DERA: variants seen among roughly 807,000 people sequenced by gnomAD.
The protein encoded by DERA is 2-deoxy-D-ribose 5-phosphate aldolase.
DERA carries 15 observed loss-of-function variants against 41.1 expected under a neutral mutation model. The observed-to-expected ratio is 0.37, with a 90% CI of 0.24 to 0.56. The LOEUF is 0.56. DERA is among the 20% of genes least tolerant of loss of function. DERA has a pLI of 0.81. For synonymous variants in DERA, 139 were observed against 137.4 expected, an observed-to-expected ratio of 1.01 and a Z score of -0.08; for missense variants, 396 against 403.4, an observed-to-expected ratio of 0.98 and a Z score of 0.16.
intron 5 of DERA, among the ~76,000 whole-genome samples, chr12:15,979,269 A>G (rs1948717838): frequency 6.6e-6 from 1 of 152,240 alleles, no homozygotes; most frequent in African/African-American, 2.4e-5. Flanking sequence ...ATTGTGCCAC[A>G]GGAAGAGCTT....
intron 1 of DERA, among the ~76,000 whole-genome samples, chr12:15,917,025 G>GT (rs1948205671): frequency 1.3e-5 from 2 of 152,234 alleles, no homozygotes; most frequent in South Asian, 4.1e-4. Flanking sequence ...TCTCTTAGTA[G>GT]TTTCCTGAAA....
Position 15,999,517 on chromosome 12 carries a change from T to C in DERA, c.637+17081T>C, listed in dbSNP as rs1242855627. On this transcript the variant is annotated intron_variant, in intron 6 of 8. Transcript: ENST00000428559. This position sits in a 1 kb window ranked among gnomAD's most constrained non-coding sequence, Gnocchi z 5.3. ...GCAAGTGGCATTTGTATAGAAGTTGTTAGGTGCAGATACAGAGAAAGGCAT... is the reference window on the plus strand; with the variant it reads ...GCAAGTGGCATTTGTATAGAAGTTGCTAGGTGCAGATACAGAGAAAGGCAT... 6.6e-6 allele frequency among the ~76,000 whole-genome samples: 1 copy of C among 152,150 alleles called. No individual in the cohort carries two copies. Among genetic ancestry groups the C allele is most frequent in the African/African-American group, 2.4e-5 (1 of 41,422 alleles).
At chr12:15,969,848 G>A (rs1163236215) in intron 5 of DERA, among the ~76,000 whole-genome samples, 2 of 152,092 alleles carry the variant, frequency 1.3e-5, no homozygotes, top group East Asian at 3.9e-4. Flanking sequence ...TCTCTAAATC[G>A]ATAGCTACTT....
rs1948243743 is a variant in DERA, at chr12:15,921,430, A to C, written c.31+10016A>C. Among the ~76,000 whole-genome samples, 1 of 152,178 alleles carries C rather than the reference A, an allele frequency of 6.6e-6. No individual in the cohort carries two copies. The highest frequency in any genetic ancestry group is 2.4e-5 in the African/African-American group (1 of 41,446). Reference sequence around the variant, plus strand: ...ATTAACCAGAAAGAGTAATTCCGTTAATTTTCTGGTAGAAAAAAACATATT... The same window carrying C: ...ATTAACCAGAAAGAGTAATTCCGTTCATTTTCTGGTAGAAAAAAACATATT... On this transcript the variant is annotated intron_variant, in intron 1 of 8. Coordinates refer to ENST00000428559, the MANE Select transcript of DERA (RefSeq NM_015954.4). The surrounding 1 kb of genome is among the most constrained non-coding windows in gnomAD (Gnocchi z 5.3).
At chr12:16,028,639 C>T (rs1451585967) in intron 6 of DERA, among the ~76,000 whole-genome samples, 1 of 152,182 alleles carries the variant, frequency 6.6e-6, no homozygotes, top group Non-Finnish European at 1.5e-5. Flanking sequence ...CAGCCAAGTG[C>T]TCATGGTCAA....
rs547560866 is a variant in DERA at position 15,985,375 on chromosome 12, T to C, written c.637+2939T>C. On this transcript the variant is annotated intron_variant, in intron 6 of 8. Coordinates refer to ENST00000428559, the MANE Select transcript of DERA (RefSeq NM_015954.4). The surrounding 1 kb of genome is among the most constrained non-coding windows in gnomAD (Gnocchi z 4.2). ...GTTGCTAAAATTGTTGGCATAATGT[T>C]GTTTATAATATGTTCTTCCATTCTG... 6.6e-6 allele frequency: 1 copy of C among 152,358 alleles called. No individual in the cohort carries two copies. Among genetic ancestry groups the C allele is most frequent in the African/African-American group, 2.4e-5 (1 of 41,584 alleles). The allele number at this position is 152,358 out of a possible 1,614,324, so 9.4% of individuals were successfully genotyped here.
intron 7 of DERA, among the ~76,000 whole-genome samples, chr12:16,034,806 T>C (rs1419744106): frequency 6.6e-6 from 1 of 152,158 alleles, no homozygotes; most frequent in African/African-American, 2.4e-5. Context: ...GAAACAGACT[T>C]GCTGACACAA....
At chr12:15,919,278 G>T (rs1036745862) in intron 1 of DERA, among the ~76,000 whole-genome samples, 4 of 151,118 alleles carry the variant, frequency 2.6e-5, no homozygotes. Context: ...TTTTTAAAAA[G>T]CATCTAAGCC....
At chr12:15,971,579 C>T (rs886403646) in intron 5 of DERA, among the ~76,000 whole-genome samples, 25 of 135,708 alleles carry the variant, frequency 1.8e-4, no homozygotes, top group Admixed American at 1.5e-3. Context: ...TGCAATGGTG[C>T]GATCTTGGCT....
rs11832743 is a variant in DERA at position 15,992,061 on chromosome 12, C to T, written c.637+9625C>T. 0.064 allele frequency among the ~76,000 whole-genome samples: 9,776 copies of T among 151,678 alleles called. 996 individuals carry two copies. Among genetic ancestry groups the T allele is most frequent in the African/African-American group, 0.22 (9,000 of 41,330 alleles). On this transcript the variant is annotated intron_variant, in intron 6 of 8. Coordinates refer to ENST00000428559, the MANE Select transcript of DERA (RefSeq NM_015954.4). This position sits in a 1 kb window ranked among gnomAD's most constrained non-coding sequence, Gnocchi z 4.3. ...CATAGTATCAGCATCAACTGTTTTA[C>T]CTGTTAGATTTTTTTTTTTTTTCAA...
At position 16,035,395 on chromosome 12, in the gene DERA, A is replaced by G. The variant is rs1053821792; in HGVS notation, c.751-837A>G. On this transcript the variant is annotated intron_variant, in intron 7 of 8. Transcript: ENST00000428559. This position sits in a 1 kb window ranked among gnomAD's most constrained non-coding sequence, Gnocchi z 4.1. ...ACTCAGGCTCTGAGGTGTTGTTTTG[A>G]CCACTACCATCTACAGATTCCCAAC... Among the ~76,000 whole-genome samples the G allele has an allele frequency of 1.3e-5, 2 of 152,142 alleles. No individual in the cohort carries two copies. Among genetic ancestry groups the G allele is most frequent in the African/African-American group, 2.4e-5 (1 of 41,424 alleles).
chr12:15,985,364 T>G lies in DERA; in HGVS notation c.637+2928T>G, dbSNP rs529035758. ...AAGTATACTGAGTTGCTAAAATTGT[T>G]GGCATAATGTTGTTTATAATATGTT... is the stretch of plus-strand genomic sequence containing the variant. On this transcript the variant is annotated intron_variant, in intron 6 of 8. Coordinates refer to ENST00000428559, the MANE Select transcript of DERA (RefSeq NM_015954.4). The surrounding 1 kb of genome is among the most constrained non-coding windows in gnomAD (Gnocchi z 4.2). The G allele has an allele frequency of 1.3e-5, 2 of 152,206 alleles. No individual in the cohort carries two copies. The highest frequency in any genetic ancestry group is 2.9e-5 in the Non-Finnish European group (2 of 68,048). 9.4% of individuals were successfully genotyped at this position (152,206 alleles called of 1,614,324 possible). A position where few individuals can be genotyped will look rare whatever the true frequency, so the allele number is the denominator to read the frequency against.
intron 6 of DERA, among the ~76,000 whole-genome samples, chr12:16,024,042 T>C (rs1390203199): frequency 6.6e-6 from 1 of 152,048 alleles, no homozygotes; most frequent in East Asian, 1.9e-4. Flanking sequence ...TGGAAACTGC[T>C]GAGGAAAAAA....
intron 6 of DERA, among the ~76,000 whole-genome samples, chr12:16,028,880 C>T (rs1438495178): frequency 2.0e-5 from 3 of 151,984 alleles, no homozygotes; most frequent in Non-Finnish European, 4.4e-5. Context: ...ACTATCACAG[C>T]CAAGAGCAAT....
rs781694557 is a variant in DERA, at chr12:15,936,062, C to T, written c.32-20874C>T. On this transcript the variant is annotated intron_variant, in intron 1 of 8. Coordinates refer to ENST00000428559, the MANE Select transcript of DERA (RefSeq NM_015954.4). The surrounding 1 kb of genome is among the most constrained non-coding windows in gnomAD (Gnocchi z 4.6). Reference sequence around the variant, plus strand: ...CCTTATGACATGGCAGCTGGCTTCTCGAGTGATCCAAGTAGGAAGGCAAAA... The same window carrying T: ...CCTTATGACATGGCAGCTGGCTTCTTGAGTGATCCAAGTAGGAAGGCAAAA... Among the ~76,000 whole-genome samples, 14 of 152,282 alleles carry T rather than the reference C, an allele frequency of 9.2e-5. No homozygotes were observed. Among genetic ancestry groups the T allele is most frequent in the African/African-American group, 2.4e-4 (10 of 41,556 alleles).
At position 15,990,575 on chromosome 12, in the gene DERA, C is replaced by T. The variant is rs1292533622; in HGVS notation, c.637+8139C>T. ...GATGTTAATCTGAGTATCCATTTGT[C>T]GTTTTTTCTGATCCTCTTCCTCCTT... On this transcript the variant is annotated intron_variant, in intron 6 of 8. Coordinates refer to ENST00000428559, the MANE Select transcript of DERA (RefSeq NM_015954.4). This position sits in a 1 kb window ranked among gnomAD's most constrained non-coding sequence, Gnocchi z 4.3. Among the ~76,000 whole-genome samples, 2 of 152,036 alleles carry T rather than the reference C, an allele frequency of 1.3e-5. No homozygotes were observed. Among genetic ancestry groups the T allele is most frequent in the South Asian group, 2.1e-4 (1 of 4,810 alleles).
chr12:15,973,564 C>T (rs552969460), intron 5 of DERA, among the ~76,000 whole-genome samples: 1 of 152,194 alleles, frequency 6.6e-6, no homozygotes, highest in African/African-American at 2.4e-5. Context: ...AGAATAAGGT[C>T]ATGATGTTTG....
At chr12:15,946,872 A>T (rs1241939049) in intron 1 of DERA, among the ~76,000 whole-genome samples, 2 of 152,140 alleles carry the variant, frequency 1.3e-5, no homozygotes, top group Non-Finnish European at 2.9e-5. Flanking sequence ...TAGTGCTATA[A>T]ATTTCACTCT....
intron 1 of DERA, among the ~76,000 whole-genome samples, chr12:15,926,386 G>A (rs1363870131): frequency 1.3e-5 from 2 of 152,124 alleles, no homozygotes; most frequent in African/African-American, 2.4e-5. Context: ...GCTCTCATTC[G>A]TCTATCATAG....
Sources: gnomAD v4.1 joint callset for allele counts (sites outside exome capture counted in the v4.1 genomes callset) on GRCh38, gnomAD v4.1.1 for gene constraint, Gnocchi (gnomAD v3.1) non-coding constraint, MANE v1.5 for transcripts, NCBI Gene and HGNC (gene_info 2026-07-23, HGNC 2026-07-21) for gene names.